Variants in MYO1D observed in about 807,000 individuals in gnomAD.
MYO1D encodes the protein unconventional myosin-Id.
A neutral mutation model predicts 122.0 loss-of-function variants in MYO1D; 83 were observed. The observed-to-expected ratio is 0.68, with a 90% CI of 0.57 to 0.82. MYO1D has a LOEUF of 0.82. Ranked by LOEUF, MYO1D falls within the 40% of genes least tolerant of loss-of-function variation. The pLI is 0.00. For missense variants in MYO1D, 1,157 were observed against 1,269.5 expected, an observed-to-expected ratio of 0.91 and a Z score of 1.35; for synonymous variants, 464 against 446.9, an observed-to-expected ratio of 1.04 and a Z score of -0.48.
chr17:32,820,637 T>C (rs575259249), intron 1 of MYO1D, among the ~76,000 whole-genome samples: 2 of 152,306 alleles, frequency 1.3e-5, no homozygotes, highest in South Asian at 4.1e-4. Flanking sequence ...ATTATGACCA[T>C]ATGAGGGCAT....
intron 21 of MYO1D, among the ~76,000 whole-genome samples, chr17:32,565,809 C>T (rs1020439485): frequency 2.0e-5 from 3 of 152,150 alleles, no homozygotes; most frequent in African/African-American, 4.8e-5. Flanking sequence ...ACTGCAACCC[C>T]TCCCAGGTTC....
intron 1 of MYO1D, among the ~76,000 whole-genome samples, chr17:32,809,915 A>G (rs1035670313): frequency 1.3e-4 from 20 of 152,240 alleles, no homozygotes; most frequent in Non-Finnish European, 1.6e-4. Context: ...ACAATGATCA[A>G]TGATCTGCTT....
intron 20 of MYO1D, among the ~76,000 whole-genome samples, chr17:32,633,280 A>G (rs321184): frequency 0.57 from 86,164 of 151,940 alleles, 25,221 homozygotes; most frequent in African/African-American, 0.7. Context: ...AACAAAATCA[A>G]TAAGAGAGAC....
intron 20 of MYO1D, among the ~76,000 whole-genome samples, chr17:32,626,062 G>A (rs1019185711): frequency 4.6e-5 from 7 of 152,180 alleles, no homozygotes; most frequent in African/African-American, 1.2e-4. Flanking sequence ...GTGCACCTAC[G>A]GGGCTGCCAC....
chr17:32,678,413 C>G (rs1252708175), intron 16 of MYO1D, among the ~76,000 whole-genome samples: 2 of 142,124 alleles, frequency 1.4e-5, no homozygotes, highest in Non-Finnish European at 3.1e-5. Flanking sequence ...CCCCCCTCCC[C>G]CCACTCCACC....
intron 20 of MYO1D, among the ~76,000 whole-genome samples, chr17:32,628,009 G>A (rs1197903259): frequency 6.6e-6 from 1 of 152,128 alleles, no homozygotes; most frequent in African/African-American, 2.4e-5. Flanking sequence ...AATTTACAGT[G>A]ATCTCTAGTA....
At chr17:32,745,350 C>A in intron 12 of MYO1D, 65 bp from the exon 13 acceptor site, 1 of 1,013,804 alleles carries the variant, frequency 9.9e-7, no homozygotes, top group South Asian at 1.5e-5. Context: ...TTAAGTTTTT[C>A]CAGGAGGCAA....
At chr17:32,850,023 A>C (rs1686122697) in intron 1 of MYO1D, among the ~76,000 whole-genome samples, 2 of 152,194 alleles carry the variant, frequency 1.3e-5, no homozygotes. Flanking sequence ...TTGAATAGCA[A>C]GTAATATGTT....
intron 21 of MYO1D, chr17:32,518,825 A>ACAGAATCCCCTCCCCC (rs1303393302): frequency 6.6e-6 from 1 of 152,272 alleles, no homozygotes; most frequent in African/African-American, 2.4e-5. Context: ...CATTTTGCTC[A>ACAGAATCCCCTCCCCC]CAGAATCCCC....
chr17:32,727,731 A>C (rs898825978), intron 14 of MYO1D: 1 of 152,250 alleles, frequency 6.6e-6, no homozygotes, highest in African/African-American at 2.4e-5. Flanking sequence ...AATGAACTAA[A>C]TGATTTATTC....
At chr17:32,819,236 T>C (rs1385991014) in intron 1 of MYO1D, among the ~76,000 whole-genome samples, 3 of 151,182 alleles carry the variant, frequency 2.0e-5, no homozygotes, top group Non-Finnish European at 4.4e-5. Context: ...CTGGATAGTG[T>C]GATTGCAAGA....
At chr17:32,590,773 GA>G (rs949047176) in intron 21 of MYO1D, among the ~76,000 whole-genome samples, 5 of 152,180 alleles carry the variant, frequency 3.3e-5, no homozygotes, top group South Asian at 2.1e-4. Flanking sequence ...ATTCAATTTA[GA>G]AAAAAATTCC....
At chr17:32,831,644 G>T (rs962305716) in intron 1 of MYO1D, among the ~76,000 whole-genome samples, 6 of 152,200 alleles carry the variant, frequency 3.9e-5, no homozygotes, top group Non-Finnish European at 7.3e-5. Context: ...ATTAATTATT[G>T]ATGCAATACA....
At chr17:32,659,595 C>A (rs999656102) in intron 16 of MYO1D, 10 of 515,860 alleles carry the variant, frequency 1.9e-5, no homozygotes, top group Middle Eastern at 1.1e-3. Flanking sequence ...GAAGCTGAGT[C>A]CTGTTTTAAC....
intron 21 of MYO1D, chr17:32,518,615 A>G (rs1909983790): frequency 6.6e-6 from 1 of 152,230 alleles, no homozygotes. Flanking sequence ...AGTCCCACTT[A>G]GGGTGTATCA....
At position 32,581,931 on chromosome 17, in the gene MYO1D, A is replaced by G. The variant is rs571244824; in HGVS notation, c.2864+23156T>C. On this transcript the variant is annotated intron_variant, in intron 21 of 21. Transcript: ENST00000318217. ...ACGTGTGCACCACCACACCTGGCTA[A>G]TTTTTGTATTTTTAGTAGAGATGGG... Among the ~76,000 whole-genome samples, 3 of 151,982 alleles carry G rather than the reference A, an allele frequency of 2.0e-5. No individual in the cohort carries two copies. The East Asian group carries it at 5.8e-4, about 29-fold the overall frequency.
At chr17:32,651,109 G>T (rs1175192420) in intron 19 of MYO1D, among the ~76,000 whole-genome samples, 1 of 152,102 alleles carries the variant, frequency 6.6e-6, no homozygotes, top group African/African-American at 2.4e-5. Context: ...AACAGTGTTT[G>T]GTCAAGGGCT....
chr17:32,712,433 T>C (rs2089390257), intron 15 of MYO1D, among the ~76,000 whole-genome samples: 2 of 152,174 alleles, frequency 1.3e-5, no homozygotes, highest in African/African-American at 4.8e-5. Flanking sequence ...ACAGTCTATT[T>C]GCCAAAATCC....
intron 20 of MYO1D, among the ~76,000 whole-genome samples, chr17:32,614,985 G>C (rs1398629512): frequency 6.6e-6 from 1 of 152,214 alleles, no homozygotes; most frequent in Non-Finnish European, 1.5e-5. Flanking sequence ...CTTCCTAATG[G>C]AGGCCCTAGA....
Sources: gnomAD v4.1 joint callset for allele counts (sites outside exome capture counted in the v4.1 genomes callset) on GRCh38, gnomAD v4.1.1 for gene constraint, MANE v1.5 for transcripts, NCBI Gene and HGNC (gene_info 2026-07-23, HGNC 2026-07-21) for gene names.